Variants in ATP1B3 observed in about 807,000 individuals in gnomAD.
ATP1B3 encodes the protein ATPase Na+/K+ transporting subunit beta 3.
ATP1B3 carries 10 observed loss-of-function variants against 30.2 expected under a neutral mutation model. That is an observed-to-expected ratio of 0.33 (90% CI 0.20 to 0.56). The LOEUF (loss-of-function observed/expected upper bound fraction) is 0.56. ATP1B3 is among the 20% of genes least tolerant of loss of function. ATP1B3 has a pLI of 0.90. For missense variants in ATP1B3, 238 were observed against 336.7 expected, an observed-to-expected ratio of 0.71 and a Z score of 2.29; for synonymous variants, 113 against 117.0, an observed-to-expected ratio of 0.97 and a Z score of 0.22.
intron 1 of ATP1B3, among the ~76,000 whole-genome samples, chr3:141,894,960 C>T (rs1163974058): frequency 6.6e-6 from 1 of 152,156 alleles, no homozygotes; most frequent in Non-Finnish European, 1.5e-5. Context: ...AGCATTGCTA[C>T]AGACACGTGA....
In ATP1B3 at chr3:141,903,654, G is replaced by A; in HGVS notation, c.144G>A (p.Gly48=). The A allele has an allele frequency of 6.2e-7, 1 of 1,613,990 alleles. No homozygotes were observed. The highest frequency in any genetic ancestry group is 8.5e-7 in the Non-Finnish European group (1 of 1,179,940). The change falls in exon 2 of 7, where the codon GGG becomes GGA. Residue 48 remains glycine (G), a synonymous_variant. Transcript: ENST00000286371. ...TGCTCTTCTACCTAGTTTTTTATGG[G>A]TTCCTGGCTGCACTCTTCTCATTCA... ...LILLFYLVFY[G]FLAALFSFTM...
At chr3:141,904,965 C>A (rs1458935253) in intron 2 of ATP1B3, among the ~76,000 whole-genome samples, 1 of 152,136 alleles carries the variant, frequency 6.6e-6, no homozygotes, top group Admixed American at 6.5e-5. Context: ...CCCGCCTCGG[C>A]CTCCCAAAGT....
At chr3:141,887,023 TG>T (rs1167345378) in intron 1 of ATP1B3, among the ~76,000 whole-genome samples, 1 of 152,074 alleles carries the variant, frequency 6.6e-6, no homozygotes, top group Non-Finnish European at 1.5e-5. Flanking sequence ...AAAAAGACAT[TG>T]TATGAGATAG....
chr3:141,915,569 C>A (rs898311223), intron 4 of ATP1B3, among the ~76,000 whole-genome samples: 5 of 151,990 alleles, frequency 3.3e-5, no homozygotes, highest in Non-Finnish European at 7.4e-5. Context: ...GAGAGTGTGA[C>A]CTGATATAGT....
intron 1 of ATP1B3, among the ~76,000 whole-genome samples, chr3:141,879,498 G>A (rs1294089356): frequency 4.0e-5 from 6 of 151,892 alleles, no homozygotes; most frequent in East Asian, 3.9e-4. Context: ...GGGGCCGGGC[G>A]CGGTGGCTCA....
intron 1 of ATP1B3, among the ~76,000 whole-genome samples, chr3:141,890,090 T>TTC (rs1263787027): frequency 6.7e-5 from 8 of 120,210 alleles, no homozygotes; most frequent in African/African-American, 2.5e-4. Flanking sequence ...TTTTTTCTTT[T>TTC]TTTTTTTTTT....
chr3:141,892,747 G>A (rs866170165), intron 1 of ATP1B3, among the ~76,000 whole-genome samples: 18 of 151,464 alleles, frequency 1.2e-4, no homozygotes, highest in South Asian at 4.2e-4. Flanking sequence ...CAAAATCATT[G>A]GCTGCCTGGG....
intron 2 of ATP1B3, among the ~76,000 whole-genome samples, chr3:141,904,364 T>A (rs1394403600): frequency 6.6e-6 from 1 of 152,050 alleles, no homozygotes; most frequent in Non-Finnish European, 1.5e-5. Context: ...AAAGCCACGT[T>A]TGAAGAATAT....
At chr3:141,923,894 G>C (rs908782399) in intron 6 of ATP1B3, among the ~76,000 whole-genome samples, 1 of 152,232 alleles carries the variant, frequency 6.6e-6, no homozygotes, top group African/African-American at 2.4e-5. Flanking sequence ...CAAAAGAAAT[G>C]TTGAGTTCTC....
chr3:141,885,383 C>T (rs1408392388), intron 1 of ATP1B3, among the ~76,000 whole-genome samples: 1 of 152,216 alleles, frequency 6.6e-6, no homozygotes, highest in African/African-American at 2.4e-5. Flanking sequence ...TTAACACTCC[C>T]ACCAACCTTG....
intron 4 of ATP1B3, among the ~76,000 whole-genome samples, chr3:141,915,306 C>T (rs928277334): frequency 9.9e-5 from 15 of 152,194 alleles, no homozygotes; most frequent in Non-Finnish European, 1.5e-5. Flanking sequence ...GTATAGTTCC[C>T]AGTTAGGACG....
At chr3:141,880,502 ATAACT>A (rs1357694577) in intron 1 of ATP1B3, among the ~76,000 whole-genome samples, 11 of 152,222 alleles carry the variant, frequency 7.2e-5, no homozygotes, top group South Asian at 2.1e-4. Flanking sequence ...AAAATATTAA[ATAACT>A]TAAGTTCATT....
At chr3:141,886,897 G>A (rs910086280) in intron 1 of ATP1B3, among the ~76,000 whole-genome samples, 1 of 152,174 alleles carries the variant, frequency 6.6e-6, no homozygotes, top group Non-Finnish European at 1.5e-5. Flanking sequence ...CAGCTACTCA[G>A]GAGGTTGAGG....
chr3:141,912,384 G>A (rs1304575335), intron 3 of ATP1B3, among the ~76,000 whole-genome samples: 1 of 152,088 alleles, frequency 6.6e-6, no homozygotes, highest in East Asian at 1.9e-4. Context: ...AGTAGAATCC[G>A]AGTAGCTGGG....
chr3:141,903,224 G>A (rs895163699), intron 1 of ATP1B3, among the ~76,000 whole-genome samples: 25 of 152,004 alleles, frequency 1.6e-4, no homozygotes, highest in African/African-American at 4.6e-4. Context: ...TTTTATATTC[G>A]CCACTTAAAG....
At chr3:141,892,651 C>CAAAAAAAAA (rs386398103) in intron 1 of ATP1B3, among the ~76,000 whole-genome samples, 2 of 70,014 alleles carry the variant, frequency 2.9e-5, no homozygotes, top group South Asian at 6.9e-4. Context: ...GAGACTGTCT[C>CAAAAAAAAA]AAAAAAAAAA....
intron 1 of ATP1B3, among the ~76,000 whole-genome samples, chr3:141,888,973 C>G (rs112183068): frequency 0.021 from 3,155 of 152,202 alleles, 111 homozygotes; most frequent in African/African-American, 0.07. Context: ...GACTAATACA[C>G]TCACAGTTCC....
chr3:141,897,696 C>T (rs770306741), intron 1 of ATP1B3, among the ~76,000 whole-genome samples: 12 of 152,054 alleles, frequency 7.9e-5, no homozygotes, highest in African/African-American at 1.7e-4. Flanking sequence ...ACATGTTCAT[C>T]GGGTTTTTGT....
At chr3:141,901,749 T>G (rs1267529278) in intron 1 of ATP1B3, among the ~76,000 whole-genome samples, 1 of 152,230 alleles carries the variant, frequency 6.6e-6, no homozygotes, top group Non-Finnish European at 1.5e-5. Context: ...TCCTAGAAAT[T>G]TAAAATCAAA....
Sources: gnomAD v4.1 joint callset for allele counts (sites outside exome capture counted in the v4.1 genomes callset) on GRCh38, gnomAD v4.1.1 for gene constraint, MANE v1.5 for transcripts, NCBI Gene and HGNC (gene_info 2026-07-23, HGNC 2026-07-21) for gene names.